BTBD9: variants seen among roughly 807,000 people sequenced by gnomAD.
BTBD9 encodes the protein BTB domain containing 9.
In BTBD9, 49 loss-of-function variants were observed where a neutral mutation model predicts 64.3. The observed-to-expected ratio is 0.76, with a 90% confidence interval of 0.61 to 0.97. BTBD9 has a LOEUF of 0.97. Among genes scored for constraint, BTBD9 ranks in the 50% least tolerant of loss-of-function variants. BTBD9 has a pLI of 0.00. For missense variants in BTBD9, 598 were observed against 762.1 expected, an observed-to-expected ratio of 0.78 and a Z score of 2.53; for synonymous variants, 260 against 274.7, an observed-to-expected ratio of 0.95 and a Z score of 0.53.
At chr6:38,452,517 A>G (rs1010046268) in intron 6 of BTBD9, among the ~76,000 whole-genome samples, 1 of 152,118 alleles carries the variant, frequency 6.6e-6, no homozygotes, top group African/African-American at 2.4e-5. Flanking sequence ...TAAAGATGTA[A>G]TAATTTAGGC....
At chr6:38,283,741 C>T (rs1761611003) in intron 8 of BTBD9, among the ~76,000 whole-genome samples, 1 of 152,200 alleles carries the variant, frequency 6.6e-6, no homozygotes, top group South Asian at 2.1e-4. Context: ...AGATCTCCTC[C>T]CTCCTAGATG....
intron 10 of BTBD9, chr6:38,179,875 G>C: frequency 2.2e-6 from 1 of 451,454 alleles, no homozygotes; most frequent in South Asian, 1.6e-5. Flanking sequence ...GGCCTTGAGG[G>C]GTTGGGAGGC....
Position 38,183,534 on chromosome 6 carries a change from C to T in BTBD9, c.1642-8352G>A, listed in dbSNP as rs1761672918. 2.6e-5 allele frequency among the ~76,000 whole-genome samples: 4 copies of T among 152,316 alleles called. No individual in the cohort carries two copies. In the South Asian group the frequency reaches 8.3e-4, roughly 32 times the overall value. On this transcript the variant is annotated intron_variant, in intron 10 of 10. Transcript: ENST00000481247. The stretch of plus-strand genomic sequence containing the variant: ...TGCATCCTCTGCCTCCCTGCCTGCC[C>T]AGTGCTGGTTCATGGAACCAGCTTC...
intron 7 of BTBD9, among the ~76,000 whole-genome samples, chr6:38,325,544 G>A (rs1041925458): frequency 2.6e-5 from 4 of 152,156 alleles, no homozygotes; most frequent in Non-Finnish European, 5.9e-5. Context: ...AATTAGCTGA[G>A]CATGGTGGTG....
At chr6:38,465,710 TA>T (rs1770330648) in intron 6 of BTBD9, among the ~76,000 whole-genome samples, 2 of 12,984 alleles carry the variant, frequency 1.5e-4, no homozygotes, top group African/African-American at 9.0e-4. Context: ...AAATAAATTA[TA>T]TATATATATA....
intron 6 of BTBD9, among the ~76,000 whole-genome samples, chr6:38,461,147 A>C (rs1770067523): frequency 6.6e-6 from 1 of 152,212 alleles, no homozygotes. Flanking sequence ...AGGAGAGTGA[A>C]GCTTTTGTTT....
intron 6 of BTBD9, among the ~76,000 whole-genome samples, chr6:38,470,742 G>C (rs926073983): frequency 6.6e-6 from 1 of 152,144 alleles, no homozygotes; most frequent in African/African-American, 2.4e-5. Flanking sequence ...TAAAGCATGC[G>C]CAGCACTCTG....
intron 8 of BTBD9, among the ~76,000 whole-genome samples, chr6:38,257,695 C>A (rs1264531132): frequency 2.6e-5 from 4 of 152,110 alleles, no homozygotes; most frequent in African/African-American, 9.7e-5. Flanking sequence ...CTGTTCTTAT[C>A]CCCCTTTTCT....
chr6:38,171,747 ACT>A lies in BTBD9; in HGVS notation c.*3236_*3237del, dbSNP rs1470031033. ...CCAGCACACACCCTACCTGCCCTAC[ACT>A]CTCAGTCCACCCCAAATGACCCTCC... On this transcript the variant is annotated 3_prime_UTR_variant, in exon 11 of 11. Transcript: ENST00000481247. 1 of 147,028 alleles carries A rather than the reference ACT, an allele frequency of 6.8e-6. No homozygotes were observed. Among genetic ancestry groups the A allele is most frequent in the Non-Finnish European group, 1.5e-5 (1 of 67,292 alleles). The allele number at this position is 147,028 out of a possible 1,614,324, so 9.1% of individuals were successfully genotyped here.
chr6:38,179,924 G>A (rs1761472052), intron 10 of BTBD9: 1 of 428,270 alleles, frequency 2.3e-6, no homozygotes, highest in Admixed American at 2.5e-5. Context: ...GGAACGAGGA[G>A]AAGATTTCCA....
At chr6:38,617,556 C>T (rs745901053) in intron 1 of BTBD9, among the ~76,000 whole-genome samples, 6 of 152,160 alleles carry the variant, frequency 3.9e-5, no homozygotes, top group East Asian at 3.9e-4. Context: ...CCCAAAGCCC[C>T]GTCATAGGGG....
At position 38,352,132 on chromosome 6, in the gene BTBD9, T is replaced by C. The variant is rs568159211; in HGVS notation, c.1155-7039A>G. On this transcript the variant is annotated intron_variant, in intron 6 of 10. Transcript: ENST00000481247. ...TAGCTCATGTCTGTCATCCTAGCAC[T>C]TCAGGAGGCCAAGGTGGGAGGATCA... Among the ~76,000 whole-genome samples the C allele has an allele frequency of 8.0e-4, 121 of 152,156 alleles. 1 individual carries two copies. Among genetic ancestry groups the C allele is most frequent in the African/African-American group, 2.9e-3 (120 of 41,498 alleles).
chr6:38,503,412 T>C (rs1772306328), intron 6 of BTBD9, among the ~76,000 whole-genome samples: 1 of 151,790 alleles, frequency 6.6e-6, no homozygotes. Flanking sequence ...CTCTTCAACC[T>C]CTCCCTCTCC....
intron 7 of BTBD9, among the ~76,000 whole-genome samples, chr6:38,329,010 G>A (rs1012035452): frequency 7.3e-6 from 1 of 136,298 alleles, no homozygotes; most frequent in Non-Finnish European, 1.6e-5. Flanking sequence ...GTGTGTGTGT[G>A]TGTAATTTAA....
chr6:38,375,938 A>AGAAAGAAG (rs1562098191), intron 6 of BTBD9, among the ~76,000 whole-genome samples: 2 of 104,648 alleles, frequency 1.9e-5, no homozygotes, highest in South Asian at 3.8e-4. Flanking sequence ...AAAGAAAGAA[A>AGAAAGAAG]GAAGGAAAGA....
intron 8 of BTBD9, among the ~76,000 whole-genome samples, chr6:38,277,124 C>T (rs564560778): frequency 6.6e-5 from 10 of 152,214 alleles, no homozygotes; most frequent in Admixed American, 2.0e-4. Context: ...CCCTGCCTCC[C>T]AAATTTCATC....
intron 8 of BTBD9, among the ~76,000 whole-genome samples, 178 bp from the exon 9 acceptor site, chr6:38,256,694 C>T (rs1554132584): frequency 6.6e-6 from 1 of 152,098 alleles, no homozygotes; most frequent in Non-Finnish European, 1.5e-5. Context: ...CAGTGAGAGG[C>T]TTTTTATCTT....
At chr6:38,545,630 T>C (rs1237778848) in intron 6 of BTBD9, among the ~76,000 whole-genome samples, 2 of 151,312 alleles carry the variant, frequency 1.3e-5, no homozygotes, top group Non-Finnish European at 2.9e-5. Flanking sequence ...ATACAAAAAA[T>C]TAGCTGGGCG....
At position 38,201,684 on chromosome 6, in the gene BTBD9, G is replaced by A. The variant is rs531135468; in HGVS notation, c.1563-9087C>T. On this transcript the variant is annotated intron_variant, in intron 9 of 10. Coordinates refer to ENST00000481247, the MANE Select transcript of BTBD9 (RefSeq NM_001099272.2). ...TTTTGCAGATGACATCTTATATTCA[G>A]AAAGACCAAAGGATTCCACCCAAAA... 1.2e-3 allele frequency among the ~76,000 whole-genome samples: 179 copies of A among 152,280 alleles called. 2 individuals are homozygous for A. Among genetic ancestry groups the A allele is most frequent in the South Asian group, 9.1e-3 (44 of 4,824 alleles).
Sources: allele counts gnomAD v4.1 joint callset (sites outside exome capture counted in the v4.1 genomes callset), GRCh38; gene constraint gnomAD v4.1.1; transcripts MANE v1.5; gene names NCBI Gene and HGNC (gene_info 2026-07-23, HGNC 2026-07-21).